Variants in IQGAP2 observed in about 807,000 individuals in gnomAD.
IQGAP2 encodes the protein ras GTPase-activating-like protein IQGAP2.
IQGAP2 carries 173 observed loss-of-function variants against 201.3 expected under a neutral mutation model. The observed-to-expected ratio is 0.86, with a 90% CI of 0.76 to 0.98. The LOEUF is 0.98. Ranked by LOEUF, IQGAP2 falls within the 50% of genes least tolerant of loss-of-function variation. The pLI, the probability that IQGAP2 is intolerant of heterozygous loss-of-function variation, is 0.00. For missense variants in IQGAP2, 1,687 were observed against 1,864.8 expected, an observed-to-expected ratio of 0.90 and a Z score of 1.76; for synonymous variants, 675 against 673.9, an observed-to-expected ratio of 1.00 and a Z score of -0.03.
At chr5:76,551,857 G>A (rs532850297) in intron 2 of IQGAP2, among the ~76,000 whole-genome samples, 60 of 147,364 alleles carry the variant, frequency 4.1e-4, no homozygotes, top group Non-Finnish European at 8.8e-4. Context: ...AGAGGGAGAC[G>A]GGAGAGGGAG....
intron 2 of IQGAP2, among the ~76,000 whole-genome samples, chr5:76,512,763 T>A (rs1359644958): frequency 6.6e-6 from 1 of 152,170 alleles, no homozygotes; most frequent in Non-Finnish European, 1.5e-5. Flanking sequence ...TTTTTAGAAA[T>A]GTTACTTTTG....
chr5:76,657,784 G>A (rs1742885248), intron 20 of IQGAP2, among the ~76,000 whole-genome samples: 1 of 152,198 alleles, frequency 6.6e-6, no homozygotes, highest in African/African-American at 2.4e-5. Context: ...TAGAATTTAT[G>A]TGAGAATGTC....
chr5:76,571,365 G>A (rs945218248), intron 4 of IQGAP2, among the ~76,000 whole-genome samples: 11 of 151,980 alleles, frequency 7.2e-5, no homozygotes, highest in African/African-American at 2.7e-4. Context: ...TTTTGTTTTT[G>A]TAGAGACAGG....
intron 22 of IQGAP2, among the ~76,000 whole-genome samples, chr5:76,667,088 A>T (rs1187135679): frequency 6.6e-6 from 1 of 152,158 alleles, no homozygotes; most frequent in Non-Finnish European, 1.5e-5. Flanking sequence ...CAGCTAGTAT[A>T]GGTTTTTGGG....
chr5:76,580,172 A>T (rs1180439115), intron 5 of IQGAP2, among the ~76,000 whole-genome samples: 4 of 152,078 alleles, frequency 2.6e-5, no homozygotes, highest in Non-Finnish European at 5.9e-5. Flanking sequence ...GCTACTCGGG[A>T]GGCTGAGGCA....
chr5:76,446,377 T>C (rs916841373), intron 1 of IQGAP2, among the ~76,000 whole-genome samples: 1 of 152,198 alleles, frequency 6.6e-6, no homozygotes, highest in Non-Finnish European at 1.5e-5. Context: ...TTTTTTAATA[T>C]GTAAAATTAT....
chr5:76,566,343 G>A (rs1011525376), intron 3 of IQGAP2, among the ~76,000 whole-genome samples: 2 of 152,212 alleles, frequency 1.3e-5, no homozygotes, highest in Admixed American at 6.5e-5. Context: ...ATGGAAGAGT[G>A]AGAAGAAAGT....
At chr5:76,501,853 G>A (rs549900548) in intron 2 of IQGAP2, among the ~76,000 whole-genome samples, 1 of 151,752 alleles carries the variant, frequency 6.6e-6, no homozygotes, top group Non-Finnish European at 1.5e-5. Flanking sequence ...ATGTTGGTCC[G>A]GGTGGTCTCG....
At chr5:76,520,888 T>C (rs1758643405) in intron 2 of IQGAP2, among the ~76,000 whole-genome samples, 1 of 151,630 alleles carries the variant, frequency 6.6e-6, no homozygotes, top group Non-Finnish European at 1.5e-5. Context: ...TTTGTATTTT[T>C]AGTAGAGGCG....
At chr5:76,496,724 C>CTTTCTTTCT (rs1561416093) in intron 2 of IQGAP2, among the ~76,000 whole-genome samples, 2 of 77,866 alleles carry the variant, frequency 2.6e-5, no homozygotes, top group African/African-American at 3.9e-5. Context: ...TTCTTTCTTT[C>CTTTCTTTCT]TTTTCTTTCT....
At position 76,637,265 on chromosome 5, in the gene IQGAP2, G is replaced by A. The variant is rs111652611; in HGVS notation, c.1923+89G>A. ...TTCTGAATCATGGAAGTGATGAGAG[G>A]AACTAACTGATTTATCTGAAGTCTG... On this transcript the variant is annotated intron_variant, in intron 16 of 35. Transcript: ENST00000274364. 1,672 of 1,074,302 alleles carry A rather than the reference G, an allele frequency of 1.6e-3. 19 individuals carry two copies. The African/African-American group carries it at 0.02, about 13-fold the overall frequency. The allele number at this position is 1,074,302 out of a possible 1,614,324, so 66.5% of individuals were successfully genotyped here.
chr5:76,663,417 G>A (rs1335772563), intron 21 of IQGAP2, among the ~76,000 whole-genome samples: 1 of 152,120 alleles, frequency 6.6e-6, no homozygotes, highest in African/African-American at 2.4e-5. Context: ...ACTTACTCTG[G>A]GACAGTGAAC....
At chr5:76,588,676 AGAAGTG>A (rs1417313530) in intron 5 of IQGAP2, among the ~76,000 whole-genome samples, 1 of 152,206 alleles carries the variant, frequency 6.6e-6, no homozygotes, top group Non-Finnish European at 1.5e-5. Context: ...GAAGTGCTGT[AGAAGTG>A]GATTACAGTA....
chr5:76,576,929 G>T, intron 5 of IQGAP2, among the ~76,000 whole-genome samples: 1 of 152,196 alleles, frequency 6.6e-6, no homozygotes, highest in East Asian at 1.9e-4. Flanking sequence ...TTTTCTAAAA[G>T]CTCCTTGTGC....
intron 23 of IQGAP2, among the ~76,000 whole-genome samples, chr5:76,669,871 G>A (rs1020071953): frequency 1.3e-5 from 2 of 152,096 alleles, no homozygotes; most frequent in South Asian, 2.1e-4. Flanking sequence ...TTCCTAGGCC[G>A]GAGTGCAATG....
chr5:76,688,724 A>G (rs1745999309), intron 30 of IQGAP2, among the ~76,000 whole-genome samples: 1 of 152,206 alleles, frequency 6.6e-6, no homozygotes, highest in Non-Finnish European at 1.5e-5. Flanking sequence ...AGGGACCCAC[A>G]ATCTGTAAAG....
chr5:76,501,894 C>T (rs951738599), intron 2 of IQGAP2, among the ~76,000 whole-genome samples: 6 of 152,126 alleles, frequency 3.9e-5, no homozygotes, highest in African/African-American at 9.6e-5. Flanking sequence ...CCACCCACCT[C>T]GGCCTCCCAA....
intron 2 of IQGAP2, among the ~76,000 whole-genome samples, chr5:76,511,981 TAAATG>T (rs1196296979): frequency 6.7e-6 from 1 of 150,066 alleles, no homozygotes; most frequent in Non-Finnish European, 1.5e-5. Context: ...CGCCAGGCCT[TAAATG>T]AGTTTTATAC....
chr5:76,406,686 A>G (rs1299456458), intron 1 of IQGAP2, among the ~76,000 whole-genome samples: 1 of 152,242 alleles, frequency 6.6e-6, no homozygotes. Context: ...CAGTTACTTG[A>G]GAGTTAAAAA....
Sources: allele counts gnomAD v4.1 joint callset (sites outside exome capture counted in the v4.1 genomes callset), GRCh38; gene constraint gnomAD v4.1.1; transcripts MANE v1.5; gene names NCBI Gene and HGNC (gene_info 2026-07-23, HGNC 2026-07-21).